Variants in GPC5 observed in about 807,000 individuals in gnomAD.
The protein encoded by GPC5 is glypican 5.
GPC5 carries 47 observed loss-of-function variants against 53.9 expected under a neutral mutation model. The ratio of observed to expected loss-of-function variants is 0.87; its 90% CI spans 0.69 to 1.11. GPC5 has a LOEUF of 1.11. Among genes scored for constraint, GPC5 ranks in the 50% most tolerant of loss-of-function variants. GPC5 has a pLI of 0.00. For synonymous variants in GPC5, 286 were observed against 263.3 expected (o/e 1.09, Z -0.84); for missense variants, 748 against 713.1 (o/e 1.05, Z -0.56).
intron 6 of GPC5, among the ~76,000 whole-genome samples, chr13:92,036,989 T>C (rs1358351519): frequency 6.6e-6 from 1 of 152,198 alleles, no homozygotes; most frequent in South Asian, 2.1e-4. Flanking sequence ...TAGTCAGTTT[T>C]TCAAGGAGCA....
intron 2 of GPC5, among the ~76,000 whole-genome samples, chr13:91,519,542 G>A (rs1055090957): frequency 2.6e-5 from 4 of 152,022 alleles, no homozygotes; most frequent in Admixed American, 1.3e-4. Flanking sequence ...CTCCTTCTTC[G>A]GCCATGTGAA....
At chr13:91,636,738 T>A (rs922408922) in intron 2 of GPC5, among the ~76,000 whole-genome samples, 21 of 151,894 alleles carry the variant, frequency 1.4e-4, no homozygotes, top group African/African-American at 4.8e-4. Context: ...GAGGATTGCT[T>A]GAGGCCAGCA....
intron 7 of GPC5, among the ~76,000 whole-genome samples, chr13:92,729,528 G>A (rs1888745100): frequency 6.6e-6 from 1 of 151,158 alleles, no homozygotes; most frequent in South Asian, 2.1e-4. Flanking sequence ...TTAAAAATAT[G>A]GCTACTAGAA....
In GPC5 at chr13:92,808,463, T is replaced by C. The variant is rs566405886; in HGVS notation, c.1562-57819T>C. On this transcript the variant is annotated intron_variant, in intron 7 of 7. Coordinates refer to ENST00000377067, the MANE Select transcript of GPC5 (RefSeq NM_004466.6). ...GTTGTTGTTAGAGTTGTGATCATGA[T>C]GGTGCGGGTGCTGGTGGGGATTTCT... Among the ~76,000 whole-genome samples, 31 of 152,222 alleles carry C rather than the reference T, an allele frequency of 2.0e-4. 1 individual carries two copies. The South Asian group carries it at 6.2e-3, about 31-fold the overall frequency.
chr13:91,776,722 G>A (rs342697), intron 5 of GPC5, among the ~76,000 whole-genome samples: 99,699 of 151,922 alleles, frequency 0.66, 33,057 homozygotes, highest in Middle Eastern at 0.8. Context: ...GAATGAATGG[G>A]CATGAAAATG....
intron 2 of GPC5, among the ~76,000 whole-genome samples, chr13:91,449,516 C>T (rs565020231): frequency 4.3e-4 from 65 of 152,208 alleles, no homozygotes; most frequent in Middle Eastern, 3.4e-3. Context: ...CCTCCCCTTG[C>T]GTCCCGACCC....
chr13:92,381,641 C>T (rs981333047), intron 7 of GPC5, among the ~76,000 whole-genome samples: 2 of 150,616 alleles, frequency 1.3e-5, no homozygotes, highest in South Asian at 4.2e-4. Flanking sequence ...CCGGCAATCC[C>T]ACTACTGGGT....
chr13:91,774,960 A>G (rs2037686607), intron 5 of GPC5, among the ~76,000 whole-genome samples: 1 of 152,164 alleles, frequency 6.6e-6, no homozygotes, highest in South Asian at 2.1e-4. Context: ...CTAATTTAAC[A>G]ATGTGATTTT....
chr13:91,581,800 C>T (rs747118184), intron 2 of GPC5, among the ~76,000 whole-genome samples: 14 of 152,072 alleles, frequency 9.2e-5, no homozygotes, highest in Non-Finnish European at 7.4e-5. Flanking sequence ...CTCACACACA[C>T]ACCCACACAC....
At chr13:91,761,234 C>G (rs1325503232) in intron 5 of GPC5, among the ~76,000 whole-genome samples, 1 of 152,144 alleles carries the variant, frequency 6.6e-6, no homozygotes, top group Non-Finnish European at 1.5e-5. Context: ...AATTAACTTC[C>G]ACAGTGGCTC....
chr13:91,401,274 C>T (rs952789297), intron 1 of GPC5, among the ~76,000 whole-genome samples: 1 of 151,538 alleles, frequency 6.6e-6, no homozygotes, highest in Non-Finnish European at 1.5e-5. Flanking sequence ...CTTTTTTAAA[C>T]ACTGATTCCT....
chr13:91,622,026 GCAT>G (rs1431330376), intron 2 of GPC5, among the ~76,000 whole-genome samples: 4 of 151,946 alleles, frequency 2.6e-5, no homozygotes, highest in African/African-American at 9.7e-5. Flanking sequence ...AGAGTAGGAA[GCAT>G]CCAGCACAGG....
intron 2 of GPC5, among the ~76,000 whole-genome samples, chr13:91,545,303 T>C (rs2030217573): frequency 6.6e-6 from 1 of 152,206 alleles, no homozygotes; most frequent in African/African-American, 2.4e-5. Flanking sequence ...AAATTCGTTA[T>C]TGAGAAATGA....
intron 7 of GPC5, among the ~76,000 whole-genome samples, chr13:92,656,220 A>G (rs1008709181): frequency 3.3e-5 from 5 of 152,232 alleles, no homozygotes; most frequent in Non-Finnish European, 7.3e-5. Context: ...CAAGCCTGGA[A>G]TGACTGGGAG....
At chr13:91,638,189 C>T (rs1271105821) in intron 2 of GPC5, among the ~76,000 whole-genome samples, 3 of 152,108 alleles carry the variant, frequency 2.0e-5, no homozygotes, top group Admixed American at 2.0e-4. Flanking sequence ...AGTGGTGTAC[C>T]TTCTGGCTCC....
At chr13:91,417,072 G>T (rs144693608) in intron 1 of GPC5, among the ~76,000 whole-genome samples, 6 of 152,238 alleles carry the variant, frequency 3.9e-5, no homozygotes, top group Middle Eastern at 3.4e-3. Flanking sequence ...TGGAGCAGAG[G>T]GGGGGAGTAT....
At chr13:91,545,189 T>G (rs12868927) in intron 2 of GPC5, among the ~76,000 whole-genome samples, 7,746 of 152,270 alleles carry the variant, frequency 0.051, 306 homozygotes, top group South Asian at 0.094. Flanking sequence ...TCTCTACCTT[T>G]GAAGGGAGGA....
At chr13:92,556,929 C>G (rs1566292304) in intron 7 of GPC5, among the ~76,000 whole-genome samples, 2 of 151,778 alleles carry the variant, frequency 1.3e-5, no homozygotes, top group African/African-American at 4.8e-5. Context: ...CCCCTATAAA[C>G]AGGAGAGGAA....
chr13:92,400,946 C>G (rs1875529022), intron 7 of GPC5, among the ~76,000 whole-genome samples: 1 of 151,752 alleles, frequency 6.6e-6, no homozygotes, highest in African/African-American at 2.4e-5. Context: ...CCCCTTGGGA[C>G]AGGGACAAAT....
Sources: gnomAD v4.1 joint callset for allele counts (sites outside exome capture counted in the v4.1 genomes callset) on GRCh38, gnomAD v4.1.1 for gene constraint, MANE v1.5 for transcripts, NCBI Gene and HGNC (gene_info 2026-07-23, HGNC 2026-07-21) for gene names.